Variants in ALDH1A2 observed in about 807,000 individuals in gnomAD.
The protein encoded by ALDH1A2 is aldehyde dehydrogenase 1 family member A2, also known as retinal dehydrogenase 2.
ALDH1A2 carries 27 observed loss-of-function variants against 60.3 expected under a neutral mutation model. That is an observed-to-expected ratio of 0.45 (90% CI 0.33 to 0.62). ALDH1A2 has a LOEUF of 0.62. ALDH1A2 is among the 20% of genes least tolerant of loss of function. The probability of loss-of-function intolerance (pLI) is 0.02; values close to 1 mark genes in which losing one functional copy is unlikely to be tolerated. For missense variants in ALDH1A2, 581 were observed against 643.8 expected (o/e 0.90, Z 1.06); for synonymous variants, 289 against 232.4 (o/e 1.24, Z -2.21).
chr15:57,987,762 G>A (rs1313697894), intron 7 of ALDH1A2, among the ~76,000 whole-genome samples: 5 of 151,726 alleles, frequency 3.3e-5, no homozygotes, highest in Non-Finnish European at 4.4e-5. Flanking sequence ...GCGGGTGCCT[G>A]TAGTCCCAGC....
At chr15:57,984,587 TC>T (rs1228609001) in intron 7 of ALDH1A2, among the ~76,000 whole-genome samples, 1 of 152,218 alleles carries the variant, frequency 6.6e-6, no homozygotes, top group Non-Finnish European at 1.5e-5. Flanking sequence ...ATTTGCCTAT[TC>T]TGGATATTTC....
At chr15:58,023,376 G>C (rs1325200770) in intron 1 of ALDH1A2, among the ~76,000 whole-genome samples, 1 of 152,048 alleles carries the variant, frequency 6.6e-6, no homozygotes, top group Non-Finnish European at 1.5e-5. Context: ...GTATAATCAA[G>C]AAACAAGAAA....
intron 1 of ALDH1A2, among the ~76,000 whole-genome samples, chr15:58,044,707 A>G (rs1896597314): frequency 6.6e-6 from 1 of 151,986 alleles, no homozygotes; most frequent in Admixed American, 6.6e-5. Context: ...TTATTTTCCT[A>G]GGCATATTAA....
chr15:58,027,749 C>T (rs1440541320), intron 1 of ALDH1A2, among the ~76,000 whole-genome samples: 6 of 151,944 alleles, frequency 3.9e-5, no homozygotes, highest in African/African-American at 1.5e-4. Flanking sequence ...CTTCGTAATG[C>T]ACATACAAGC....
chr15:58,047,453 C>A (rs1236550481), intron 1 of ALDH1A2, among the ~76,000 whole-genome samples: 1 of 151,882 alleles, frequency 6.6e-6, no homozygotes, highest in Non-Finnish European at 1.5e-5. Context: ...GTAGTTATCT[C>A]CTTTTACATG....
At chr15:58,047,109 T>C (rs558697884) in intron 1 of ALDH1A2, among the ~76,000 whole-genome samples, 25 of 152,140 alleles carry the variant, frequency 1.6e-4, no homozygotes, top group Non-Finnish European at 3.4e-4. Flanking sequence ...GATTTTCTAA[T>C]TGGGGAATCT....
At chr15:58,032,460 C>G (rs1355350975) in intron 1 of ALDH1A2, among the ~76,000 whole-genome samples, 3 of 152,012 alleles carry the variant, frequency 2.0e-5, no homozygotes, top group African/African-American at 7.2e-5. Context: ...ACATATGTAA[C>G]AAACCTGCAC....
At chr15:57,986,305 T>G (rs2140481958) in intron 7 of ALDH1A2, among the ~76,000 whole-genome samples, 1 of 152,268 alleles carries the variant, frequency 6.6e-6, no homozygotes, top group East Asian at 1.9e-4. Flanking sequence ...GTCTGAATTC[T>G]GACCAGACAG....
intron 1 of ALDH1A2, among the ~76,000 whole-genome samples, chr15:58,033,957 T>C (rs1252680386): frequency 6.6e-6 from 1 of 151,602 alleles, no homozygotes; most frequent in Non-Finnish European, 1.5e-5. Flanking sequence ...TTCAATATTG[T>C]GTTGGCTATT....
chr15:57,976,563 C>T (rs1236797888), intron 7 of ALDH1A2, among the ~76,000 whole-genome samples: 1 of 152,156 alleles, frequency 6.6e-6, no homozygotes, highest in Non-Finnish European at 1.5e-5. Flanking sequence ...TGGTTTCCAG[C>T]TTCATCCAGG....
chr15:58,031,953 C>T (rs1222553623), intron 1 of ALDH1A2, among the ~76,000 whole-genome samples: 1 of 152,156 alleles, frequency 6.6e-6, no homozygotes. Flanking sequence ...GTGGCGATTC[C>T]TCAGGGATCT....
At chr15:58,006,389 C>T (rs1356382301) in intron 4 of ALDH1A2, among the ~76,000 whole-genome samples, 41 of 151,986 alleles carry the variant, frequency 2.7e-4, no homozygotes, top group Non-Finnish European at 1.5e-5. Flanking sequence ...TGCATATTTA[C>T]CACACCTTCT....
chr15:58,017,675 C>T (rs959395001), intron 1 of ALDH1A2, among the ~76,000 whole-genome samples: 2 of 152,106 alleles, frequency 1.3e-5, no homozygotes, highest in Non-Finnish European at 2.9e-5. Context: ...CATTCAAAGG[C>T]ATTGCCAATT....
At chr15:57,963,598 C>T (rs1325204390) in intron 9 of ALDH1A2, among the ~76,000 whole-genome samples, 4 of 152,106 alleles carry the variant, frequency 2.6e-5, no homozygotes, top group Admixed American at 6.6e-5. Flanking sequence ...CCGCCTCGGC[C>T]TCCCTAAAAG....
chr15:58,065,478 A>G, intron 1 of ALDH1A2, 56 bp downstream of exon 1: 1 of 1,437,536 alleles, frequency 7.0e-7, no homozygotes, highest in Non-Finnish European at 9.8e-7. Flanking sequence ...GATCGGGGAA[A>G]CCGAAGAAGG....
chr15:58,035,157 T>C (rs1253751770), intron 1 of ALDH1A2, among the ~76,000 whole-genome samples: 6 of 151,636 alleles, frequency 4.0e-5, no homozygotes, highest in African/African-American at 1.4e-4. Context: ...TATTCATACA[T>C]ATTTCTCTTT....
At chr15:58,010,560 T>G in intron 4 of ALDH1A2, 89 bp downstream of exon 4, 1 of 1,552,110 alleles carries the variant, frequency 6.4e-7, no homozygotes, top group East Asian at 2.3e-5. Context: ...ATATCTGTAT[T>G]CTGTGTGACT....
chr15:57,959,646 G>A (rs1893656920), intron 12 of ALDH1A2, among the ~76,000 whole-genome samples: 1 of 152,028 alleles, frequency 6.6e-6, no homozygotes, highest in Admixed American at 6.5e-5. Context: ...AGAACCCTGA[G>A]GTAGGTAGTA....
chr15:58,005,206 C>T (rs1458613415), intron 4 of ALDH1A2, among the ~76,000 whole-genome samples: 2 of 151,920 alleles, frequency 1.3e-5, no homozygotes. Flanking sequence ...GTTCACTTAA[C>T]TTGTCCTTCA....
Sources: gnomAD v4.1 joint callset for allele counts (sites outside exome capture counted in the v4.1 genomes callset) on GRCh38, gnomAD v4.1.1 for gene constraint, MANE v1.5 for transcripts, NCBI Gene and HGNC (gene_info 2026-07-23, HGNC 2026-07-21) for gene names.